Variants in AADACL2 observed in about 807,000 individuals in gnomAD.
AADACL2 encodes arylacetamide deacetylase-like 2.
A neutral mutation model predicts 22.3 loss-of-function variants in AADACL2; 23 were observed. That is an observed-to-expected ratio of 1.03 (90% CI 0.74 to 1.46). The LOEUF (loss-of-function observed/expected upper bound fraction) is 1.46, where lower values mean the gene tolerates loss of function less well. Among genes scored for constraint, AADACL2 ranks in the 40% most tolerant of loss-of-function variants. The probability of loss-of-function intolerance (pLI) is 0.00; values close to 1 mark genes in which losing one functional copy is unlikely to be tolerated. For synonymous variants in AADACL2, 177 were observed against 166.2 expected (o/e 1.07, Z -0.50); for missense variants, 472 against 482.9 (o/e 0.98, Z 0.21).
intron 4 of AADACL2, 127 bp from the exon 5 acceptor site, chr3:151,756,865 A>C (rs1713930132): frequency 1.5e-6 from 1 of 680,720 alleles, no homozygotes; most frequent in South Asian, 5.7e-5. Context: ...ATATTATAAA[A>C]ATAATTATGA....
chr3:151,743,404 T>G (rs905215258), intron 2 of AADACL2, among the ~76,000 whole-genome samples: 1 of 152,102 alleles, frequency 6.6e-6, no homozygotes, highest in African/African-American at 2.4e-5. Flanking sequence ...AAATAGGATA[T>G]GTGGGGACCT....
At chr3:151,742,274 T>G (rs2107983020) in intron 2 of AADACL2, among the ~76,000 whole-genome samples, 1 of 133,908 alleles carries the variant, frequency 7.5e-6, no homozygotes, top group South Asian at 2.4e-4. Context: ...CATATCTTTT[T>G]GTTTTTCAAC....
At position 151,757,699 on chromosome 3, in the gene AADACL2, T is replaced by G; in HGVS notation, c.*105T>G. The stretch of plus-strand genomic sequence containing the variant: ...TCATTTGAGTTATCTAAATCTACAT[T>G]TGCAACATTTGTAGCAGTTAATGTG... On this transcript the variant is annotated 3_prime_UTR_variant, in exon 5 of 5. Transcript: ENST00000356517. 1 of 1,376,674 alleles carries G rather than the reference T, an allele frequency of 7.3e-7. No individual in the cohort carries two copies. The highest frequency in any genetic ancestry group is 9.8e-7 in the Non-Finnish European group (1 of 1,020,292). 85.3% of individuals were successfully genotyped at this position (1,376,674 alleles called of 1,614,324 possible). A position where few individuals can be genotyped will look rare whatever the true frequency, so the allele number is the denominator to read the frequency against.
Position 151,750,531 on chromosome 3 carries a change from T to G in AADACL2, c.603+4851T>G, listed in dbSNP as rs752146099. Among the ~76,000 whole-genome samples the G allele has an allele frequency of 2.6e-5, 4 of 152,234 alleles. No individual in the cohort carries two copies. In the South Asian group the frequency reaches 6.2e-4, roughly 24 times the overall value. On this transcript the variant is annotated intron_variant, in intron 4 of 4. Coordinates refer to ENST00000356517, the MANE Select transcript of AADACL2 (RefSeq NM_207365.4). ...GTTTTTTCCTGATGTCTACTCCTTATGTCAACTTGTCTACCTTTCTATTTA... is the reference window on the plus strand; with the variant it reads ...GTTTTTTCCTGATGTCTACTCCTTAGGTCAACTTGTCTACCTTTCTATTTA...
At chr3:151,751,972 C>T (rs776669188) in intron 4 of AADACL2, among the ~76,000 whole-genome samples, 7 of 152,146 alleles carry the variant, frequency 4.6e-5, no homozygotes, top group Non-Finnish European at 7.4e-5. Context: ...TGCAGATGAA[C>T]AGGCTGCAGA....
At chr3:151,734,392 A>G (rs773601488) in intron 1 of AADACL2, among the ~76,000 whole-genome samples, 6 of 152,186 alleles carry the variant, frequency 3.9e-5, no homozygotes, top group Non-Finnish European at 7.4e-5. Context: ...TTATGTCTAA[A>G]CGTGACATGT....
chr3:151,752,114 T>A (rs1266109458), intron 4 of AADACL2, among the ~76,000 whole-genome samples: 2 of 148,850 alleles, frequency 1.3e-5, no homozygotes, highest in African/African-American at 4.9e-5. Context: ...TACATATTCA[T>A]TGAAAAGCTT....
At chr3:151,750,578 C>T (rs1713631436) in intron 4 of AADACL2, among the ~76,000 whole-genome samples, 1 of 151,904 alleles carries the variant, frequency 6.6e-6, no homozygotes, top group Non-Finnish European at 1.5e-5. Context: ...TGAAACTAGT[C>T]TTCTTCAGAC....
At chr3:151,742,180 T>C (rs976993437) in intron 2 of AADACL2, among the ~76,000 whole-genome samples, 1 of 152,198 alleles carries the variant, frequency 6.6e-6, no homozygotes, top group African/African-American at 2.4e-5. Context: ...ATAAGTTGCT[T>C]TGAGAACCAA....
At chr3:151,748,500 G>T (rs976915859) in intron 4 of AADACL2, among the ~76,000 whole-genome samples, 1 of 152,220 alleles carries the variant, frequency 6.6e-6, no homozygotes, top group African/African-American at 2.4e-5. Flanking sequence ...GAAAGACTGA[G>T]CCTAGTGAGA....
Position 151,740,833 on chromosome 3 carries a change from AT to A in AADACL2, c.330del (p.His111MetfsTer18). On this transcript the variant is annotated frameshift_variant, in exon 2 of 5. Transcript: ENST00000356517. LOFTEE classifies it high-confidence loss of function. The stretch of plus-strand genomic sequence containing the variant: ...GAAACCCGAAGGCGAGCTGTGATAT[AT>A]TTTCATGGTGGTGGTTTTTGTTTTG... ...KSETRRRAVI[Y>X]FHGGGFCFGS... 1 of 1,613,960 alleles carries A rather than the reference AT, an allele frequency of 6.2e-7. No homozygotes were observed. Among genetic ancestry groups the A allele is most frequent in the Non-Finnish European group, 8.5e-7 (1 of 1,179,932 alleles).
At chr3:151,736,821 A>G (rs1713104543) in intron 1 of AADACL2, among the ~76,000 whole-genome samples, 1 of 152,158 alleles carries the variant, frequency 6.6e-6, no homozygotes, top group Non-Finnish European at 1.5e-5. Context: ...AATATTCATA[A>G]TCCTTTGGGT....
Position 151,744,155 on chromosome 3 carries a change from G to C in AADACL2, c.424G>C (p.Gly142Arg). ...AAACACGCTTGATGCTGTTGTTGTA[G>C]GCGTGGAGTAAGAATGATTTTTTTC... ...TANTLDAVVVGVDYRLAPQHH... is the reference protein window; with the variant it reads ...TANTLDAVVVRVDYRLAPQHH... The change falls in exon 3 of 5, where the codon GGC (glycine) becomes CGC (arginine). Residue 142 changes from glycine to arginine, a missense_variant. By Grantham distance (125) the Gly-to-Arg change is moderately radical (BLOSUM62 -2). This residue lies in a region of AADACL2 where 356 missense variants were observed against 365.5 expected (regional missense o/e 0.97). Transcript: ENST00000356517. The C allele has an allele frequency of 6.2e-7, 1 of 1,613,556 alleles. No individual in the cohort carries two copies. The highest frequency in any genetic ancestry group is 8.5e-7 in the Non-Finnish European group (1 of 1,179,674).
At position 151,759,565 on chromosome 3, in the gene AADACL2, C is replaced by T. The variant is rs147914369; in HGVS notation, c.*1971C>T. 6.6e-4 allele frequency: 100 copies of T among 152,202 alleles called. No homozygotes were observed. The highest frequency in any genetic ancestry group is 2.3e-3 in the African/African-American group (94 of 41,542). 9.4% of individuals were successfully genotyped at this position (152,202 alleles called of 1,614,324 possible). On this transcript the variant is annotated 3_prime_UTR_variant, in exon 5 of 5. Transcript: ENST00000356517. Reference sequence around the variant, plus strand: ...GCTAGATAATAACTAAGTTTGTTTTCGTTTTGAAAAAGTTTGTATCTTGCA... The same window carrying T: ...GCTAGATAATAACTAAGTTTGTTTTTGTTTTGAAAAAGTTTGTATCTTGCA...
At chr3:151,740,584 T>A (rs1713245516) in intron 1 of AADACL2, 62 bp from the exon 2 acceptor site, 2 of 1,105,038 alleles carry the variant, frequency 1.8e-6, no homozygotes, top group Admixed American at 3.0e-5. Context: ...ACTTTCTTTT[T>A]AAATATATTT....
rs113842847 is a variant in AADACL2, at chr3:151,740,623, T to C, written c.139-23T>C. 4.6e-4 allele frequency: 683 copies of C among 1,470,830 alleles called. 3 individuals carry two copies. The African/African-American group carries it at 8.7e-3, about 19-fold the overall frequency. 91.1% of individuals were successfully genotyped at this position (1,470,830 alleles called of 1,614,324 possible). On this transcript the variant is annotated intron_variant, in intron 1 of 4. Transcript: ENST00000356517. ...GTTATTTAAATATCTAAATATTTAATTTTGTTTGTTTTGTTCTTACAGGCT... is the reference window on the plus strand; with the variant it reads ...GTTATTTAAATATCTAAATATTTAACTTTGTTTGTTTTGTTCTTACAGGCT...
Position 151,743,251 on chromosome 3 carries a change from T to G in AADACL2, c.362-842T>G, listed in dbSNP as rs574638607. ...CTGTGGTTAGTTTTCACTTTGCAGT[T>G]TTGTTAATGTGCAAGAGAAGGTCCA... On this transcript the variant is annotated intron_variant, in intron 2 of 4. Transcript: ENST00000356517. Among the ~76,000 whole-genome samples, 10 of 152,334 alleles carry G rather than the reference T, an allele frequency of 6.6e-5. No homozygotes were observed. In the South Asian group the frequency reaches 2.1e-3, roughly 32 times the overall value.
rs1272984679 is a variant in AADACL2 at position 151,757,286 on chromosome 3, C to G, written c.898C>G (p.Pro300Ala). Residue 300 changes from proline to alanine, a missense_variant, in exon 5 of 5, where the codon CCA becomes GCA. Physicochemically the swap from Pro to Ala is conservative, Grantham distance 27. This residue lies in a region of AADACL2 where 356 missense variants were observed against 365.5 expected (regional missense o/e 0.97). Coordinates refer to ENST00000356517, the MANE Select transcript of AADACL2 (RefSeq NM_207365.4). Reference sequence around the variant, plus strand: ...TAGAAAAGACTATGTATATACTGAACCAATTCTTGGAGGACTTAGTTATTC... The same window carrying G: ...TAGAAAAGACTATGTATATACTGAAGCAATTCTTGGAGGACTTAGTTATTC... ...KYRKDYVYTE[P>A]ILGGLSYSLP... The G allele has an allele frequency of 1.2e-6, 2 of 1,613,758 alleles. No individual in the cohort carries two copies. The highest frequency in any genetic ancestry group is 2.2e-5 in the East Asian group (1 of 44,866).
intron 1 of AADACL2, 45 bp from the exon 2 acceptor site, chr3:151,740,599 TTA>T: frequency 8.1e-7 from 1 of 1,231,164 alleles, no homozygotes; most frequent in Non-Finnish European, 1.1e-6. Context: ...ATATTTGGTG[TTA>T]TTTAAATATC....
Sources: allele counts gnomAD v4.1 joint callset (sites outside exome capture counted in the v4.1 genomes callset), GRCh38; gene constraint gnomAD v4.1.1; regional missense constraint gnomAD v4.1.1; transcripts MANE v1.5; gene names NCBI Gene and HGNC (gene_info 2026-07-23, HGNC 2026-07-21).